CDK14: variants seen among roughly 807,000 people sequenced by gnomAD.
The protein encoded by CDK14 is cyclin-dependent kinase 14.
Under a neutral mutation model 60.7 loss-of-function variants are expected in CDK14, and 34 were observed. The observed-to-expected ratio is 0.56, with a 90% CI of 0.43 to 0.75. CDK14 has a LOEUF of 0.75. Ranked by LOEUF, CDK14 falls within the 30% of genes least tolerant of loss-of-function variation. CDK14 has a pLI of 0.00. For missense variants in CDK14, 482 were observed against 564.1 expected (o/e 0.85, Z 1.47); for synonymous variants, 197 against 203.7 (o/e 0.97, Z 0.28).
chr7:91,084,755 G>A (rs1798584914), intron 12 of CDK14, among the ~76,000 whole-genome samples: 1 of 152,190 alleles, frequency 6.6e-6, no homozygotes, highest in Non-Finnish European at 1.5e-5. Flanking sequence ...TTACTAATTG[G>A]CAGTATGTGC....
chr7:90,893,640 G>T (rs1461130679), intron 6 of CDK14, among the ~76,000 whole-genome samples: 1 of 152,148 alleles, frequency 6.6e-6, no homozygotes, highest in Non-Finnish European at 1.5e-5. Flanking sequence ...AAAGAAAAAA[G>T]ATATGTATAA....
chr7:91,119,122 T>C (rs1191480721), intron 14 of CDK14, among the ~76,000 whole-genome samples: 1 of 152,162 alleles, frequency 6.6e-6, no homozygotes, highest in Non-Finnish European at 1.5e-5. Flanking sequence ...CAAATGTTAC[T>C]GTGGAGAAGG....
At chr7:90,647,933 G>A (rs1182523767) in intron 2 of CDK14, among the ~76,000 whole-genome samples, 1 of 152,220 alleles carries the variant, frequency 6.6e-6, no homozygotes, top group East Asian at 1.9e-4. Context: ...GGGATCAGGA[G>A]CAATGCATGT....
At chr7:91,089,263 G>GA (rs1342883755) in intron 12 of CDK14, among the ~76,000 whole-genome samples, 1 of 151,886 alleles carries the variant, frequency 6.6e-6, no homozygotes, top group Non-Finnish European at 1.5e-5. Context: ...TTAAAACAAA[G>GA]AAAAAATGAC....
intron 14 of CDK14, among the ~76,000 whole-genome samples, chr7:91,163,161 TGTA>T (rs1222158477): frequency 4.6e-5 from 7 of 152,210 alleles, no homozygotes; most frequent in African/African-American, 1.4e-4. Flanking sequence ...TGTACAAGCT[TGTA>T]GTAGGTGAAA....
chr7:90,902,060 T>A (rs1792525073), intron 7 of CDK14, among the ~76,000 whole-genome samples: 2 of 151,970 alleles, frequency 1.3e-5, no homozygotes, highest in African/African-American at 4.8e-5. Flanking sequence ...AGATGAAAGA[T>A]CTGTATAAGA....
At chr7:90,775,361 T>G (rs3808227) in intron 4 of CDK14, among the ~76,000 whole-genome samples, 31,200 of 152,098 alleles carry the variant, frequency 0.21, 3,348 homozygotes, top group South Asian at 0.24. Flanking sequence ...TAGCAAGAGT[T>G]TAATAAGTAA....
chr7:90,896,834 T>C (rs866217415), intron 6 of CDK14, among the ~76,000 whole-genome samples: 3 of 152,196 alleles, frequency 2.0e-5, no homozygotes, highest in African/African-American at 2.4e-5. Context: ...TTTTATTCAG[T>C]TTTGAGGAAA....
At chr7:90,671,704 G>A (rs1442232965) in intron 2 of CDK14, among the ~76,000 whole-genome samples, 1 of 152,116 alleles carries the variant, frequency 6.6e-6, no homozygotes, top group Non-Finnish European at 1.5e-5. Flanking sequence ...ATCACCACTA[G>A]GCATTTCTTC....
intron 11 of CDK14, among the ~76,000 whole-genome samples, chr7:91,066,253 A>G (rs571292709): frequency 4.7e-4 from 71 of 152,322 alleles, no homozygotes; most frequent in Admixed American, 3.9e-3. Flanking sequence ...TGCTTGTTCC[A>G]TGGTATTGTT....
At chr7:91,003,526 T>A (rs553407395) in intron 10 of CDK14, among the ~76,000 whole-genome samples, 52 of 152,350 alleles carry the variant, frequency 3.4e-4, no homozygotes, top group Non-Finnish European at 5.9e-4. Context: ...ATGGATGGGC[T>A]GTGCTGCATG....
Position 90,681,349 on chromosome 7 carries a change from G to A in CDK14, c.124-45218G>A, listed in dbSNP as rs188604506. 8.5e-5 allele frequency among the ~76,000 whole-genome samples: 13 copies of A among 152,196 alleles called. No individual in the cohort carries two copies. In the East Asian group the frequency reaches 2.5e-3, roughly 29 times the overall value. On this transcript the variant is annotated intron_variant, in intron 2 of 14. Coordinates refer to ENST00000380050, the MANE Select transcript of CDK14 (RefSeq NM_001287135.2). ...GAGCTATTTAGGAAGTACTTAGTTCGCTTGTTTGAGACAAATATTTCCATT... is the reference window on the plus strand; with the variant it reads ...GAGCTATTTAGGAAGTACTTAGTTCACTTGTTTGAGACAAATATTTCCATT...
At chr7:91,016,287 A>G (rs1796300835) in intron 10 of CDK14, among the ~76,000 whole-genome samples, 1 of 152,148 alleles carries the variant, frequency 6.6e-6, no homozygotes, top group South Asian at 2.1e-4. Context: ...GTTTCTACCA[A>G]TCACCCTTTA....
At chr7:91,016,166 TC>T (rs1796298182) in intron 10 of CDK14, among the ~76,000 whole-genome samples, 1 of 152,124 alleles carries the variant, frequency 6.6e-6, no homozygotes, top group Non-Finnish European at 1.5e-5. Context: ...GTATCTACCT[TC>T]AGAACAATGC....
At chr7:91,166,002 A>G (rs1584152807) in intron 14 of CDK14, among the ~76,000 whole-genome samples, 1 of 152,224 alleles carries the variant, frequency 6.6e-6, no homozygotes, top group Non-Finnish European at 1.5e-5. Context: ...AACAGTTTTC[A>G]GTATTTCCCT....
intron 3 of CDK14, among the ~76,000 whole-genome samples, chr7:90,742,091 G>GT (rs1803370477): frequency 6.6e-6 from 1 of 151,828 alleles, no homozygotes; most frequent in African/African-American, 2.4e-5. Flanking sequence ...TGTGATACTT[G>GT]GCCTTTTGTT....
In CDK14 at chr7:90,596,565, C is replaced by T. The variant is rs1418588572; in HGVS notation, c.-63C>T. 5 of 1,426,646 alleles carry T rather than the reference C, an allele frequency of 3.5e-6. No homozygotes were observed. Among genetic ancestry groups the T allele is most frequent in the African/African-American group, 2.8e-5 (2 of 70,758 alleles). The allele number at this position is 1,426,646 out of a possible 1,614,324, so 88.4% of individuals were successfully genotyped here. A position where few individuals can be genotyped will look rare whatever the true frequency, so the allele number is the denominator to read the frequency against. ...CCGCTTTCCCCGCGGCGCGCGCCCT[C>T]GCCGTTGTCTGAGCTGTGCCTGGAC... On this transcript the variant is annotated 5_prime_UTR_variant, in exon 1 of 15. Coordinates refer to ENST00000380050, the MANE Select transcript of CDK14 (RefSeq NM_001287135.2).
intron 9 of CDK14, among the ~76,000 whole-genome samples, chr7:90,959,451 T>TG (rs1794533102): frequency 1.3e-5 from 2 of 152,180 alleles, no homozygotes; most frequent in African/African-American, 4.8e-5. Flanking sequence ...ATGACATTGA[T>TG]GCTGGGTATT....
At chr7:90,626,127 TC>T (rs1440358359) in intron 2 of CDK14, among the ~76,000 whole-genome samples, 6 of 152,226 alleles carry the variant, frequency 3.9e-5, no homozygotes, top group Admixed American at 3.9e-4. Flanking sequence ...GGTTTTACTT[TC>T]CCATTTACTT....
Sources: gnomAD v4.1 joint callset for allele counts (sites outside exome capture counted in the v4.1 genomes callset) on GRCh38, gnomAD v4.1.1 for gene constraint, MANE v1.5 for transcripts, NCBI Gene and HGNC (gene_info 2026-07-23, HGNC 2026-07-21) for gene names.